RUNX2: variants seen among roughly 807,000 people sequenced by gnomAD.
RUNX2 encodes the protein runt-related transcription factor 2.
RUNX2 carries 10 observed loss-of-function variants against 51.7 expected under a neutral mutation model. That is an observed-to-expected ratio of 0.19 (90% confidence interval 0.12 to 0.33). The LOEUF (loss-of-function observed/expected upper bound fraction) is 0.33. Ranked by LOEUF, RUNX2 falls within the 10% of genes least tolerant of loss-of-function variation. RUNX2 has a pLI of 1.00. For synonymous variants in RUNX2, 276 were observed against 273.6 expected (o/e 1.01, Z -0.09); for missense variants, 562 against 691.3 (o/e 0.81, Z 2.10).
chr6:45,512,642 A>G (rs1296849120), intron 7 of RUNX2, among the ~76,000 whole-genome samples: 1 of 152,152 alleles, frequency 6.6e-6, no homozygotes, highest in Non-Finnish European at 1.5e-5. Flanking sequence ...ATGGTATTTA[A>G]TGCCGCCCAG....
At chr6:45,486,126 AT>A (rs1048750798) in intron 5 of RUNX2, among the ~76,000 whole-genome samples, 36 of 152,234 alleles carry the variant, frequency 2.4e-4, no homozygotes, top group African/African-American at 8.7e-4. Flanking sequence ...TAAGAAGGAC[AT>A]TTTTCTACAT....
intron 7 of RUNX2, among the ~76,000 whole-genome samples, chr6:45,535,889 A>G (rs1411782630): frequency 2.0e-5 from 3 of 152,018 alleles, no homozygotes; most frequent in South Asian, 2.1e-4. Context: ...TGACTGGATT[A>G]TAGAGTTCAT....
chr6:45,442,453 G>T (rs1178234465), intron 5 of RUNX2, among the ~76,000 whole-genome samples: 1 of 152,092 alleles, frequency 6.6e-6, no homozygotes, highest in African/African-American at 2.4e-5. Context: ...CTGTGGACTT[G>T]GTTCCACCTC....
chr6:45,356,344 A>C (rs1793174567), intron 2 of RUNX2, among the ~76,000 whole-genome samples: 1 of 152,114 alleles, frequency 6.6e-6, no homozygotes, highest in Non-Finnish European at 1.5e-5. Flanking sequence ...ACACACATAT[A>C]TGTTAATATA....
chr6:45,535,012 C>T (rs1466360258), intron 7 of RUNX2, among the ~76,000 whole-genome samples: 1 of 152,122 alleles, frequency 6.6e-6, no homozygotes, highest in Admixed American at 6.5e-5. Context: ...AATACCGCTG[C>T]ATGTTCTTAT....
At chr6:45,470,584 CT>C (rs1799769308) in intron 5 of RUNX2, among the ~76,000 whole-genome samples, 3 of 152,282 alleles carry the variant, frequency 2.0e-5, no homozygotes, top group South Asian at 4.2e-4. Context: ...ACTGTGGACC[CT>C]GATACTCAGA....
At chr6:45,482,907 T>C (rs1225894240) in intron 5 of RUNX2, among the ~76,000 whole-genome samples, 2 of 152,210 alleles carry the variant, frequency 1.3e-5, no homozygotes, top group African/African-American at 2.4e-5. Context: ...GTTTAAGAGC[T>C]GAAAGGGGAC....
At chr6:45,539,923 A>G (rs998136324) in intron 7 of RUNX2, among the ~76,000 whole-genome samples, 2 of 152,226 alleles carry the variant, frequency 1.3e-5, no homozygotes, top group African/African-American at 4.8e-5. Context: ...TTATCTACAT[A>G]AATGTCCAAG....
intron 2 of RUNX2, among the ~76,000 whole-genome samples, chr6:45,343,131 C>A (rs550045764): frequency 8.1e-4 from 123 of 152,268 alleles, no homozygotes; most frequent in Middle Eastern, 3.4e-3. Context: ...ACTTTCCAAA[C>A]CTTAAATCAT....
intron 7 of RUNX2, among the ~76,000 whole-genome samples, chr6:45,541,877 T>G (rs1447713274): frequency 6.6e-6 from 1 of 152,220 alleles, no homozygotes; most frequent in Non-Finnish European, 1.5e-5. Flanking sequence ...TCTAGAGATC[T>G]CCTTACCCAT....
chr6:45,504,275 T>C (rs144248030), intron 6 of RUNX2, among the ~76,000 whole-genome samples: 314 of 152,350 alleles, frequency 2.1e-3, no homozygotes, highest in African/African-American at 7.0e-3. Flanking sequence ...TCTGATGCAG[T>C]TACAGTCTCC....
chr6:45,478,302 T>C (rs1800013813), intron 5 of RUNX2, among the ~76,000 whole-genome samples: 1 of 152,258 alleles, frequency 6.6e-6, no homozygotes, highest in African/African-American at 2.4e-5. Context: ...GATATTTTAA[T>C]TGATAAGTGA....
intron 2 of RUNX2, among the ~76,000 whole-genome samples, chr6:45,365,462 T>C (rs1017053877): frequency 6.6e-6 from 1 of 151,888 alleles, no homozygotes; most frequent in Non-Finnish European, 1.5e-5. Flanking sequence ...TGTTCTTTAT[T>C]AAAATGAAAT....
rs559231838 is a variant in RUNX2 at position 45,378,160 on chromosome 6, C to T, written c.59-44433C>T. 1.9e-3 allele frequency among the ~76,000 whole-genome samples: 282 copies of T among 152,284 alleles called. 1 individual carries two copies. Among genetic ancestry groups the T allele is most frequent in the Admixed American group, 3.9e-3 (59 of 15,302 alleles). On this transcript the variant is annotated intron_variant, in intron 2 of 8. Transcript: ENST00000647337. The stretch of plus-strand genomic sequence containing the variant: ...GGCCTTCAGGGCCCGGCTTGGGCAG[C>T]GCTGAGCCACGCGGCGGCGTTTAGA...
At chr6:45,466,266 T>G (rs1023583510) in intron 5 of RUNX2, among the ~76,000 whole-genome samples, 1 of 150,874 alleles carries the variant, frequency 6.6e-6, no homozygotes, top group Non-Finnish European at 1.5e-5. Flanking sequence ...TGAGCCGAGA[T>G]CCCGCCATTG....
intron 5 of RUNX2, among the ~76,000 whole-genome samples, chr6:45,472,027 T>C (rs1799817942): frequency 6.6e-6 from 1 of 152,200 alleles, no homozygotes; most frequent in Non-Finnish European, 1.5e-5. Flanking sequence ...GGTAAGTGGG[T>C]TCTTGGTTCT....
At chr6:45,344,829 C>CTTA in intron 2 of RUNX2, among the ~76,000 whole-genome samples, 1 of 151,974 alleles carries the variant, frequency 6.6e-6, no homozygotes, top group African/African-American at 2.4e-5. Context: ...TGCAGTAAGC[C>CTTA]AAGATTCAGA....
At chr6:45,516,700 C>G (rs931655753) in intron 7 of RUNX2, among the ~76,000 whole-genome samples, 1 of 152,244 alleles carries the variant, frequency 6.6e-6, no homozygotes, top group Non-Finnish European at 1.5e-5. Context: ...ATGACCCGAA[C>G]CACTGCATGT....
chr6:45,460,535 G>A (rs1351692540), intron 5 of RUNX2, among the ~76,000 whole-genome samples: 1 of 152,172 alleles, frequency 6.6e-6, no homozygotes, highest in Non-Finnish European at 1.5e-5. Context: ...AGGGAGCAGG[G>A]AAATGGGGCA....
Sources: gnomAD v4.1 joint callset for allele counts (sites outside exome capture counted in the v4.1 genomes callset) on GRCh38, gnomAD v4.1.1 for gene constraint, MANE v1.5 for transcripts, NCBI Gene and HGNC (gene_info 2026-07-23, HGNC 2026-07-21) for gene names.